Variants in PTPRT observed in about 807,000 individuals in gnomAD.
PTPRT encodes receptor-type tyrosine-protein phosphatase T.
A neutral mutation model predicts 176.8 loss-of-function variants in PTPRT; 56 were observed. The observed-to-expected ratio is 0.32, with a 90% CI of 0.26 to 0.40. The LOEUF (loss-of-function observed/expected upper bound fraction) is 0.40. Among genes scored for constraint, PTPRT ranks in the 10% least tolerant of loss-of-function variants. PTPRT has a pLI of 1.00. For synonymous variants in PTPRT, 783 were observed against 739.0 expected, an observed-to-expected ratio of 1.06 and a Z score of -0.96; for missense variants, 1,540 against 1,908.2, an observed-to-expected ratio of 0.81 and a Z score of 3.60.
At chr20:42,090,079 G>A (rs1419701056) in intron 27 of PTPRT, among the ~76,000 whole-genome samples, 2 of 152,086 alleles carry the variant, frequency 1.3e-5, no homozygotes, top group Admixed American at 1.3e-4. Context: ...TGAATGGCTT[G>A]GCTACATCTC....
chr20:42,988,772 G>A (rs1983736080), intron 1 of PTPRT, among the ~76,000 whole-genome samples: 1 of 152,198 alleles, frequency 6.6e-6, no homozygotes, highest in African/African-American at 2.4e-5. Flanking sequence ...TTGGCCTCAG[G>A]GGTAAAGAGT....
intron 12 of PTPRT, among the ~76,000 whole-genome samples, chr20:42,309,360 C>A (rs562160815): frequency 1.4e-4 from 21 of 152,254 alleles, no homozygotes; most frequent in African/African-American, 4.8e-4. Context: ...CACCCACCCG[C>A]TGTTTAGAAC....
intron 1 of PTPRT, among the ~76,000 whole-genome samples, chr20:43,062,852 G>A (rs1987529467): frequency 6.6e-6 from 1 of 152,122 alleles, no homozygotes; most frequent in Non-Finnish European, 1.5e-5. Context: ...AAAGAATCCT[G>A]GACTCTCTAA....
intron 8 of PTPRT, among the ~76,000 whole-genome samples, chr20:42,470,985 C>G (rs2071185822): frequency 6.6e-6 from 1 of 151,902 alleles, no homozygotes; most frequent in Non-Finnish European, 1.5e-5. Flanking sequence ...AGGTCTCTAT[C>G]TTGAGTTACT....
At chr20:43,005,862 A>G (rs1984829100) in intron 1 of PTPRT, among the ~76,000 whole-genome samples, 1 of 152,238 alleles carries the variant, frequency 6.6e-6, no homozygotes, top group African/African-American at 2.4e-5. Flanking sequence ...ACAAAGATTA[A>G]TATCCAAAGA....
intron 2 of PTPRT, among the ~76,000 whole-genome samples, chr20:42,822,137 C>T (rs2077905669): frequency 6.6e-6 from 1 of 152,142 alleles, no homozygotes; most frequent in Admixed American, 6.5e-5. Flanking sequence ...CATCAAACTA[C>T]TTGACTTTAA....
At chr20:42,404,578 T>C (rs950882311) in intron 9 of PTPRT, among the ~76,000 whole-genome samples, 2 of 152,080 alleles carry the variant, frequency 1.3e-5, no homozygotes, top group Non-Finnish European at 2.9e-5. Context: ...TGTATGACTT[T>C]AGACAAGGCC....
intron 15 of PTPRT, among the ~76,000 whole-genome samples, chr20:42,226,691 C>T (rs962472785): frequency 2.9e-4 from 44 of 152,266 alleles, no homozygotes; most frequent in South Asian, 1.2e-3. Flanking sequence ...GTAGTGCTTT[C>T]GGAAGTAAAC....
At chr20:42,792,127 A>C (rs2077385078) in intron 2 of PTPRT, among the ~76,000 whole-genome samples, 1 of 152,208 alleles carries the variant, frequency 6.6e-6, no homozygotes, top group African/African-American at 2.4e-5. Context: ...GATCAAGAAT[A>C]CACACATGGA....
intron 6 of PTPRT, among the ~76,000 whole-genome samples, chr20:42,720,825 A>G (rs1569110231): frequency 6.6e-6 from 1 of 152,194 alleles, no homozygotes; most frequent in East Asian, 1.9e-4. Context: ...AATGTGTCGC[A>G]GGCATTTTTG....
chr20:42,049,431 C>T, the PTPRT span, among the ~76,000 whole-genome samples: 1 of 152,204 alleles, frequency 6.6e-6, no homozygotes, highest in Non-Finnish European at 1.5e-5. Context: ...ATCATAAAAA[C>T]CTTCTGTGAA....
At chr20:42,681,570 G>A (rs1202066449) in intron 6 of PTPRT, among the ~76,000 whole-genome samples, 1 of 152,116 alleles carries the variant, frequency 6.6e-6, no homozygotes, top group Non-Finnish European at 1.5e-5. Flanking sequence ...CAATTCAAAC[G>A]ATGTGCCCTG....
intron 15 of PTPRT, among the ~76,000 whole-genome samples, chr20:42,203,600 T>C (rs1314799627): frequency 1.3e-5 from 2 of 152,208 alleles, no homozygotes; most frequent in Admixed American, 1.3e-4. Flanking sequence ...CTCTTCTACA[T>C]AGAATTATAA....
intron 1 of PTPRT, among the ~76,000 whole-genome samples, chr20:43,113,304 C>A (rs1239993097): frequency 6.6e-6 from 1 of 152,228 alleles, no homozygotes; most frequent in African/African-American, 2.4e-5. Flanking sequence ...ATTAACTCTA[C>A]ACTCATACAA....
rs1180463789 is a variant in PTPRT at position 42,106,849 on chromosome 20, C to A, written c.3327G>T (p.Val1109=). The change falls in exon 24 of 31, where the codon GTG becomes GTT. Residue 1109 remains valine, a synonymous_variant. Coordinates refer to ENST00000373187, the MANE Select transcript of PTPRT (RefSeq NM_007050.6). The stretch of plus-strand genomic sequence containing the variant: ...CACGCACGCAGTTGAAGATGTCCAC[C>A]ACCCCTTCATTCTCGGCCATGTCAA... The part of the protein sequence containing the change: ...TMLDMAENEG[V]VDIFNCVREL... 1 of 1,614,140 alleles carries A rather than the reference C, an allele frequency of 6.2e-7. No homozygotes were observed. The highest frequency in any genetic ancestry group is 8.5e-7 in the Non-Finnish European group (1 of 1,180,030).
chr20:42,963,559 C>T (rs1982125162), intron 1 of PTPRT, among the ~76,000 whole-genome samples: 1 of 151,652 alleles, frequency 6.6e-6, no homozygotes, highest in Admixed American at 6.6e-5. Context: ...GATGTATATA[C>T]AGTTATAGAA....
chr20:42,669,691 C>T (rs2075380878), intron 7 of PTPRT, among the ~76,000 whole-genome samples: 1 of 152,142 alleles, frequency 6.6e-6, no homozygotes, highest in South Asian at 2.1e-4. Context: ...CCTTCAATTA[C>T]CTCTTTTTAT....
intron 6 of PTPRT, among the ~76,000 whole-genome samples, chr20:42,678,943 A>C (rs2075555698): frequency 6.6e-6 from 1 of 152,220 alleles, no homozygotes; most frequent in Admixed American, 6.5e-5. Flanking sequence ...AAGTAGAAAA[A>C]GAATGATGGC....
intron 26 of PTPRT, among the ~76,000 whole-genome samples, chr20:42,099,035 G>A (rs917790516): frequency 1.3e-5 from 2 of 152,238 alleles, no homozygotes; most frequent in Non-Finnish European, 2.9e-5. Flanking sequence ...GCCCTGGCAA[G>A]GTGGGCACTG....
Sources: allele counts gnomAD v4.1 joint callset (sites outside exome capture counted in the v4.1 genomes callset), GRCh38; gene constraint gnomAD v4.1.1; transcripts MANE v1.5; gene names NCBI Gene and HGNC (gene_info 2026-07-23, HGNC 2026-07-21).